Variants in GPX3 observed in about 807,000 individuals in gnomAD.
The protein encoded by GPX3 is glutathione peroxidase 3, also known as GPx-3.
Under a neutral mutation model 25.1 loss-of-function variants are expected in GPX3, and 22 were observed. The ratio of observed to expected loss-of-function variants is 0.88; its 90% CI spans 0.63 to 1.25. The LOEUF is 1.25. GPX3 is among the 50% of genes most tolerant of loss of function. The pLI, the probability that GPX3 is intolerant of heterozygous loss-of-function variation, is 0.00. For synonymous variants in GPX3, 110 were observed against 114.5 expected, an observed-to-expected ratio of 0.96 and a Z score of 0.25; for missense variants, 278 against 286.6, an observed-to-expected ratio of 0.97 and a Z score of 0.22.
intron 1 of GPX3, among the ~76,000 whole-genome samples, chr5:151,022,981 C>T (rs1756498504): frequency 6.6e-6 from 1 of 152,172 alleles, no homozygotes; most frequent in South Asian, 2.1e-4. Context: ...TCCCAGACCA[C>T]TTCTCACAGC....
intron 1 of GPX3, 66 bp downstream of exon 1, chr5:151,020,807 G>A (rs1414545550): frequency 1.4e-6 from 2 of 1,392,068 alleles, no homozygotes; most frequent in Admixed American, 3.7e-5. Context: ...AGCGCTCAGT[G>A]CAATGCACCC....
Position 151,020,620 on chromosome 5 carries a change from G to A in GPX3, c.-35G>A. ...GGACGGTGGCCAGGGATCAGGCAGC[G>A]GCTCAGGCGACCCTGAGTGTGCCCC... On this transcript the variant is annotated 5_prime_UTR_variant, in exon 1 of 5. Coordinates refer to ENST00000388825, the MANE Select transcript of GPX3 (RefSeq NM_002084.5). The A allele has an allele frequency of 6.4e-7, 1 of 1,564,366 alleles. No individual in the cohort carries two copies. The highest frequency in any genetic ancestry group is 1.1e-5 in the South Asian group (1 of 87,246).
chr5:151,022,710 C>T (rs569551537), intron 1 of GPX3, among the ~76,000 whole-genome samples: 1 of 152,192 alleles, frequency 6.6e-6, no homozygotes, highest in East Asian at 1.9e-4. Context: ...TCAGGCTGCC[C>T]ACGCTCCTTG....
rs770916140 is a variant in GPX3, at chr5:151,025,483, C to T, written c.231C>T (p.Gly77=). 3.1e-6 allele frequency: 5 copies of T among 1,608,226 alleles called. No individual in the cohort carries two copies. Among genetic ancestry groups the T allele is most frequent in the Non-Finnish European group, 4.2e-6 (5 of 1,177,438 alleles). Residue 77 remains glycine (G), a synonymous_variant, in exon 2 of 5, where the codon GGC becomes GGT. Transcript: ENST00000388825. ...TGGCCAGCTACTGAGGCCTGACGGG[C>T]CAGTACATTGGTAAGAGCCCACCCT... ...VNVASYUGLT[G]QYIELNALQE...
intron 1 of GPX3, among the ~76,000 whole-genome samples, chr5:151,023,558 G>A (rs1756507718): frequency 6.6e-6 from 1 of 152,152 alleles, no homozygotes; most frequent in Non-Finnish European, 1.5e-5. Context: ...CCCATTATTA[G>A]GACAACCTGT....
At chr5:151,022,679 C>T (rs1214922961) in intron 1 of GPX3, among the ~76,000 whole-genome samples, 2 of 152,168 alleles carry the variant, frequency 1.3e-5, no homozygotes, top group Non-Finnish European at 2.9e-5. Flanking sequence ...CTTCTTGCTG[C>T]GTCACCTCCC....
chr5:151,028,344 C>G lies in GPX3; in HGVS notation c.*214C>G. 1 of 569,190 alleles carries G rather than the reference C, an allele frequency of 1.8e-6. No homozygotes were observed. Among genetic ancestry groups the G allele is most frequent in the Non-Finnish European group, 3.2e-6 (1 of 314,830 alleles). The allele number at this position is 569,190 out of a possible 1,614,324, so 35.3% of individuals were successfully genotyped here. A position where few individuals can be genotyped will look rare whatever the true frequency, so the allele number is the denominator to read the frequency against. On this transcript the variant is annotated 3_prime_UTR_variant, in exon 5 of 5. Transcript: ENST00000388825. ...GTTTACACACATGCCTACAGGTATG[C>G]GTGATTGTGTGTGTGTGCATGGGTG...
intron 3 of GPX3, 134 bp downstream of exon 3, chr5:151,027,151 G>A: frequency 1.5e-6 from 1 of 679,926 alleles, no homozygotes. Context: ...GTGGAATGAG[G>A]GAAGGGAAGG....
Position 151,028,769 on chromosome 5 carries a change from A to C in GPX3, c.*639A>C. On this transcript the variant is annotated 3_prime_UTR_variant, in exon 5 of 5. Coordinates refer to ENST00000388825, the MANE Select transcript of GPX3 (RefSeq NM_002084.5). ...GCAGATGTGACAGCAAGGGCCACGGACCCCATGGCAGGGGTGGCGTCTTCA... is the reference window on the plus strand; with the variant it reads ...GCAGATGTGACAGCAAGGGCCACGGCCCCCATGGCAGGGGTGGCGTCTTCA... 6.5e-6 allele frequency: 1 copy of C among 153,400 alleles called. No individual in the cohort carries two copies. The highest frequency in any genetic ancestry group is 1.5e-5 in the Non-Finnish European group (1 of 68,538). The allele number at this position is 153,400 out of a possible 1,614,324, so 9.5% of individuals were successfully genotyped here.
intron 1 of GPX3, among the ~76,000 whole-genome samples, chr5:151,024,737 C>T (rs995926460): frequency 3.9e-5 from 6 of 152,216 alleles, no homozygotes; most frequent in Non-Finnish European, 8.8e-5. Flanking sequence ...ATGCCTGGCT[C>T]TCAGTCCTGC....
Position 151,027,030 on chromosome 5 carries a change from T to G in GPX3, c.359+13T>G, listed in dbSNP as rs1197361728. The G allele has an allele frequency of 1.3e-6, 2 of 1,545,308 alleles. No homozygotes were observed. Among genetic ancestry groups the G allele is most frequent in the Admixed American group, 3.4e-5 (2 of 58,932 alleles). On this transcript the variant is annotated intron_variant, in intron 3 of 4. Transcript: ENST00000388825. ...TTCCTACCCTCAAGTGAGTACTCAC[T>G]CAGCATCCTGAGAAAGCTCCTCTCA... is the stretch of plus-strand genomic sequence containing the variant.
chr5:151,027,434 A>G lies in GPX3; in HGVS notation c.362A>G (p.Tyr121Cys), dbSNP rs771492353. ...ENSEILPTLKYVRPGGGFVPN... is the reference protein window; with the variant it reads ...ENSEILPTLKCVRPGGGFVPN... Reference sequence around the variant, plus strand: ...CACCTAAGAACATTTCTCAACAGGTATGTCCGACCAGGTGGAGGCTTTGTC... The same window carrying G: ...CACCTAAGAACATTTCTCAACAGGTGTGTCCGACCAGGTGGAGGCTTTGTC... Residue 121 changes from tyrosine to cysteine, a missense_variant and splice_region_variant, in exon 4 of 5, where the codon TAT becomes TGT. By Grantham distance (194) the Tyr-to-Cys change is radical. Coordinates refer to ENST00000388825, the MANE Select transcript of GPX3 (RefSeq NM_002084.5). 11 of 1,609,004 alleles carry G rather than the reference A, an allele frequency of 6.8e-6. No individual in the cohort carries two copies. The Admixed American group carries it at 1.7e-4, about 24-fold the overall frequency.
At chr5:151,022,892 A>G (rs2113143229) in intron 1 of GPX3, among the ~76,000 whole-genome samples, 1 of 152,276 alleles carries the variant, frequency 6.6e-6, no homozygotes, top group East Asian at 1.9e-4. Flanking sequence ...CCATCTTACA[A>G]TGGAGGAGCT....
chr5:151,022,203 C>T (rs1299414292), intron 1 of GPX3, among the ~76,000 whole-genome samples: 3 of 152,184 alleles, frequency 2.0e-5, no homozygotes, highest in African/African-American at 4.8e-5. Context: ...AGGCCAGCAC[C>T]GTGGAGTCAG....
In GPX3 at chr5:151,027,733, G is replaced by C. The variant is rs1389959118; in HGVS notation, c.460-176G>C. ...TTACAGAAAGGCCCAGAAGGACCCA[G>C]AGTGAACATACTAAGGGTCTCACAA... is the stretch of plus-strand genomic sequence containing the variant. On this transcript the variant is annotated intron_variant, in intron 4 of 4. Transcript: ENST00000388825. 8.5e-6 allele frequency: 6 copies of C among 705,370 alleles called. No individual in the cohort carries two copies. The Admixed American group carries it at 1.1e-4, about 13-fold the overall frequency. The allele number at this position is 705,370 out of a possible 1,614,324, so 43.7% of individuals were successfully genotyped here. A position where few individuals can be genotyped will look rare whatever the true frequency, so the allele number is the denominator to read the frequency against.
chr5:151,026,912 T>C lies in GPX3; in HGVS notation c.254T>C (p.Leu85Pro). Residue 85 changes from leucine to proline, a missense_variant, in exon 3 of 5, where the codon CTA becomes CCA. Coordinates refer to ENST00000388825, the MANE Select transcript of GPX3 (RefSeq NM_002084.5). ...LTGQYIELNA[L>P]QEELAPFGLV... is the part of the protein sequence containing the mutation. ...CTCTTTGGCCCAGAACTGAATGCACTACAGGAAGAGCTTGCACCATTCGGT... is the reference window on the plus strand; with the variant it reads ...CTCTTTGGCCCAGAACTGAATGCACCACAGGAAGAGCTTGCACCATTCGGT... The C allele has an allele frequency of 1.9e-6, 3 of 1,613,596 alleles. No homozygotes were observed. The South Asian group carries it at 3.3e-5, about 18-fold the overall frequency.
In GPX3 at chr5:151,025,354, T is replaced by C. The variant is rs769022356; in HGVS notation, c.102T>C (p.Gly34=). Residue 34 remains glycine (G), a synonymous_variant, in exon 2 of 5, where the codon GGT becomes GGC. Coordinates refer to ENST00000388825, the MANE Select transcript of GPX3 (RefSeq NM_002084.5). ...GQEKSKMDCH[G]GISGTIYEYG... ...CTGTGTTCCAGATGGACTGCCATGG[T>C]GGCATAAGTGGCACCATTTACGAGT... is the stretch of plus-strand genomic sequence containing the variant. 1.9e-6 allele frequency: 3 copies of C among 1,595,892 alleles called. No individual in the cohort carries two copies. Among genetic ancestry groups the C allele is most frequent in the Non-Finnish European group, 2.6e-6 (3 of 1,169,890 alleles).
At chr5:151,023,453 G>A (rs529500588) in intron 1 of GPX3, among the ~76,000 whole-genome samples, 33 of 152,234 alleles carry the variant, frequency 2.2e-4, no homozygotes, top group African/African-American at 7.5e-4. Context: ...GGGCCACACA[G>A]CCAGCAAAAA....
At chr5:151,027,781 C>G (rs1215248904) in intron 4 of GPX3, 128 bp from the exon 5 acceptor site, 3 of 811,748 alleles carry the variant, frequency 3.7e-6, no homozygotes, top group Admixed American at 3.8e-5. Context: ...ACAGCTGGCG[C>G]TGGCAGTCTT....
Sources: gnomAD v4.1 joint callset for allele counts (sites outside exome capture counted in the v4.1 genomes callset) on GRCh38, gnomAD v4.1.1 for gene constraint, MANE v1.5 for transcripts, NCBI Gene and HGNC (gene_info 2026-07-23, HGNC 2026-07-21) for gene names.